ERC2: variants seen among roughly 807,000 people sequenced by gnomAD.
ERC2 encodes ERC protein 2.
Under a neutral mutation model 114.8 loss-of-function variants are expected in ERC2, and 42 were observed. The ratio of observed to expected loss-of-function variants is 0.37; its 90% CI spans 0.29 to 0.47. The LOEUF (loss-of-function observed/expected upper bound fraction) is 0.47. Ranked by LOEUF, ERC2 falls within the 20% of genes least tolerant of loss-of-function variation. The probability of loss-of-function intolerance (pLI) is 0.99; values close to 1 mark genes in which losing one functional copy is unlikely to be tolerated. For synonymous variants in ERC2, 454 were observed against 425.5 expected, an observed-to-expected ratio of 1.07 and a Z score of -0.82; for missense variants, 939 against 1,150.7, an observed-to-expected ratio of 0.82 and a Z score of 2.66.
At chr3:55,630,572 G>A (rs2059712770) in intron 17 of ERC2, among the ~76,000 whole-genome samples, 4 of 152,158 alleles carry the variant, frequency 2.6e-5, no homozygotes, top group Admixed American at 2.6e-4. Context: ...AGATTATACT[G>A]GTACTTTTTG....
chr3:55,791,874 A>T (rs1416249793), intron 14 of ERC2, among the ~76,000 whole-genome samples: 2 of 152,172 alleles, frequency 1.3e-5, no homozygotes, highest in Non-Finnish European at 2.9e-5. Context: ...ACATGGAAAA[A>T]TCTGATCCAC....
chr3:55,714,629 G>A (rs1043712545), intron 15 of ERC2, among the ~76,000 whole-genome samples: 8 of 138,996 alleles, frequency 5.8e-5, no homozygotes, highest in African/African-American at 2.2e-4. Flanking sequence ...ATATATATGG[G>A]TTTGTATATA....
chr3:56,111,572 C>A (rs2078967770), intron 6 of ERC2, among the ~76,000 whole-genome samples: 1 of 152,138 alleles, frequency 6.6e-6, no homozygotes, highest in Admixed American at 6.5e-5. Flanking sequence ...ACGGAGCAGA[C>A]CACTTACAGC....
intron 14 of ERC2, among the ~76,000 whole-genome samples, chr3:55,854,182 C>G (rs539357304): frequency 1.3e-5 from 2 of 151,964 alleles, no homozygotes; most frequent in Non-Finnish European, 2.9e-5. Context: ...AGCTGAGGCA[C>G]GAGAATCGCT....
At chr3:56,219,548 G>C (rs560794070) in intron 3 of ERC2, among the ~76,000 whole-genome samples, 1 of 151,654 alleles carries the variant, frequency 6.6e-6, no homozygotes, top group South Asian at 2.1e-4. Flanking sequence ...AACCACACAA[G>C]CAAAGATACT....
intron 2 of ERC2, among the ~76,000 whole-genome samples, chr3:56,355,396 G>C (rs1013938706): frequency 1.3e-5 from 2 of 149,258 alleles, no homozygotes; most frequent in African/African-American, 4.9e-5. Flanking sequence ...ACAGCTCACT[G>C]CAACCTCGAC....
At chr3:56,104,703 G>A (rs2078551720) in intron 6 of ERC2, among the ~76,000 whole-genome samples, 1 of 151,308 alleles carries the variant, frequency 6.6e-6, no homozygotes, top group Non-Finnish European at 1.5e-5. Flanking sequence ...GTACCCAGCT[G>A]TACCATGTCT....
chr3:55,743,610 A>AAAAAAAAAAAAG, intron 14 of ERC2, among the ~76,000 whole-genome samples: 1 of 151,350 alleles, frequency 6.6e-6, no homozygotes, highest in Non-Finnish European at 1.5e-5. Context: ...AAAAAAAAAA[A>AAAAAAAAAAAAG]AAAGAAACAA....
intron 8 of ERC2, among the ~76,000 whole-genome samples, chr3:56,016,440 T>TA (rs397989695): frequency 2.3e-4 from 35 of 149,112 alleles, no homozygotes; most frequent in African/African-American, 4.9e-4. Flanking sequence ...TTTTTTTTTT[T>TA]AATAACTTTT....
At chr3:55,693,587 T>C (rs549441842) in intron 16 of ERC2, among the ~76,000 whole-genome samples, 1 of 150,208 alleles carries the variant, frequency 6.7e-6, no homozygotes, top group African/African-American at 2.5e-5. Context: ...TAGAGAAGAG[T>C]AAAAGGGAAC....
intron 3 of ERC2, among the ~76,000 whole-genome samples, chr3:56,227,923 G>A (rs1339557109): frequency 6.6e-6 from 1 of 152,128 alleles, no homozygotes; most frequent in African/African-American, 2.4e-5. Flanking sequence ...TTCACATAAT[G>A]GGAAATTGCA....
intron 3 of ERC2, among the ~76,000 whole-genome samples, chr3:56,196,899 C>A (rs761785983): frequency 1.3e-5 from 2 of 152,040 alleles, no homozygotes; most frequent in Non-Finnish European, 2.9e-5. Flanking sequence ...CATTAGAATC[C>A]CTGGGAATAA....
intron 7 of ERC2, among the ~76,000 whole-genome samples, chr3:56,046,439 C>A (rs1368217829): frequency 2.6e-5 from 4 of 152,132 alleles, no homozygotes; most frequent in Non-Finnish European, 5.9e-5. Flanking sequence ...CTGATAAGGG[C>A]ATCTTTCATG....
intron 17 of ERC2, among the ~76,000 whole-genome samples, chr3:55,545,266 A>G (rs1165666611): frequency 1.3e-5 from 2 of 152,180 alleles, no homozygotes; most frequent in African/African-American, 2.4e-5. Flanking sequence ...CAGCCCATCC[A>G]TACTCCAAAC....
intron 3 of ERC2, among the ~76,000 whole-genome samples, chr3:56,203,627 T>TA (rs2150102355): frequency 6.6e-6 from 1 of 152,298 alleles, no homozygotes; most frequent in South Asian, 2.1e-4. Context: ...AGGGATTGAG[T>TA]ATCCCCTGAA....
chr3:55,857,801 T>C (rs978041444), intron 14 of ERC2, among the ~76,000 whole-genome samples: 3 of 152,194 alleles, frequency 2.0e-5, no homozygotes, highest in South Asian at 2.1e-4. Flanking sequence ...TCCCTCATCA[T>C]GAAACACTCG....
chr3:56,017,659 C>A (rs906001664), intron 8 of ERC2, among the ~76,000 whole-genome samples: 2 of 152,080 alleles, frequency 1.3e-5, no homozygotes, highest in African/African-American at 4.8e-5. Flanking sequence ...CAAGCTCCTA[C>A]CTGGCCATTC....
intron 15 of ERC2, among the ~76,000 whole-genome samples, chr3:55,719,989 T>G (rs368584942): frequency 1.7e-3 from 131 of 77,508 alleles, no homozygotes; most frequent in African/African-American, 6.1e-3. Flanking sequence ...TCTCCCTCCC[T>G]CTCTCTCCTC....
At chr3:55,928,927 G>A (rs1180249473) in intron 13 of ERC2, among the ~76,000 whole-genome samples, 2 of 152,138 alleles carry the variant, frequency 1.3e-5, no homozygotes, top group African/African-American at 4.8e-5. Context: ...GTAGATGTCT[G>A]GATCTATTTC....
Sources: gnomAD v4.1 joint callset for allele counts (sites outside exome capture counted in the v4.1 genomes callset) on GRCh38, gnomAD v4.1.1 for gene constraint, MANE v1.5 for transcripts, NCBI Gene and HGNC (gene_info 2026-07-23, HGNC 2026-07-21) for gene names.